Variants in DNAH14 observed in about 807,000 individuals in gnomAD.
DNAH14 encodes axonemal beta dynein heavy chain 14.
In DNAH14, 478 loss-of-function variants were observed where a neutral mutation model predicts 520.9. That is an observed-to-expected ratio of 0.92 (90% CI 0.85 to 0.99). The LOEUF (loss-of-function observed/expected upper bound fraction) is 0.99. Ranked by LOEUF, DNAH14 falls within the 50% of genes least tolerant of loss-of-function variation. The pLI, the probability that DNAH14 is intolerant of heterozygous loss-of-function variation, is 0.00. For synonymous variants in DNAH14, 1,581 were observed against 1,757.2 expected, an observed-to-expected ratio of 0.90 and a Z score of 2.51; for missense variants, 4,831 against 5,234.5, an observed-to-expected ratio of 0.92 and a Z score of 2.38.
intron 8 of DNAH14, among the ~76,000 whole-genome samples, chr1:224,999,091 T>C (rs1456220597): frequency 1.3e-5 from 2 of 152,176 alleles, no homozygotes; most frequent in Admixed American, 1.3e-4. Flanking sequence ...TTTCTTTTGA[T>C]TAGTGTTTAC....
chr1:225,106,575 G>A (rs561949947), intron 23 of DNAH14, among the ~76,000 whole-genome samples: 82 of 152,086 alleles, frequency 5.4e-4, no homozygotes, highest in African/African-American at 1.7e-3. Context: ...AGGCTTTGTC[G>A]TTTCTTTTTA....
At chr1:225,169,957 C>A (rs564668841) in intron 36 of DNAH14, among the ~76,000 whole-genome samples, 2 of 152,282 alleles carry the variant, frequency 1.3e-5, no homozygotes, top group African/African-American at 4.8e-5. Flanking sequence ...AGAGTGGGGG[C>A]TAATATTCAA....
At chr1:225,270,446 A>G (rs879912803) in intron 49 of DNAH14, among the ~76,000 whole-genome samples, 1 of 152,146 alleles carries the variant, frequency 6.6e-6, no homozygotes, top group Non-Finnish European at 1.5e-5. Flanking sequence ...CATTGTGCAC[A>G]TGTACCCTAG....
intron 55 of DNAH14, among the ~76,000 whole-genome samples, chr1:225,297,876 G>T (rs564618263): frequency 1.3e-5 from 2 of 152,250 alleles, no homozygotes; most frequent in Admixed American, 1.3e-4. Context: ...TGCCAGAGTT[G>T]CCCACTGGGT....
chr1:225,171,174 T>A (rs562158401), intron 36 of DNAH14, among the ~76,000 whole-genome samples: 26 of 152,082 alleles, frequency 1.7e-4, no homozygotes, highest in Middle Eastern at 3.4e-3. Context: ...GCAGGAAGGA[T>A]CTAAAATTGA....
At chr1:225,210,772 G>T (rs549671846) in intron 41 of DNAH14, among the ~76,000 whole-genome samples, 1 of 152,304 alleles carries the variant, frequency 6.6e-6, no homozygotes, top group Non-Finnish European at 1.5e-5. Context: ...CATCTGGTGG[G>T]TGCCCCTGTG....
rs2072810044 is a variant in DNAH14, at chr1:225,079,220, C to G, written c.2438C>G (p.Ser813Ter). 8.4e-6 allele frequency: 13 copies of G among 1,542,600 alleles called. No homozygotes were observed. Among genetic ancestry groups the G allele is most frequent in the Non-Finnish European group, 1.1e-5 (13 of 1,145,294 alleles). The stretch of plus-strand genomic sequence containing the variant: ...TGTTGATTTCAGGTTGTGGAATCAT[C>G]ATTGCAGCAGCTGGAATGTGATCCC... ...NKNLLEVVES[S>*]LQQLECDPTE... The change falls in exon 18 of 86, where the codon TCA (serine) becomes TGA (stop). Residue 813 changes from serine (S) to a stop codon, truncating the protein, a stop_gained. Transcript: ENST00000682510. LOFTEE classifies it high-confidence loss of function.
chr1:225,080,612 A>G lies in DNAH14; in HGVS notation c.3000A>G (p.Lys1000=), dbSNP rs756216366. Residue 1000 remains lysine, a synonymous_variant, in exon 19 of 86, where the codon AAA becomes AAG. Transcript: ENST00000682510. ...TTGAAGGTGACTTGACTTTGAGGAA[A>G]AAACTATGGGAAGCACAAGAGGAGT... The part of the protein sequence containing the change: ...SDIEGDLTLR[K]KLWEAQEEWK... 9.7e-6 allele frequency: 15 copies of G among 1,552,098 alleles called. No individual in the cohort carries two copies. In the African/African-American group the frequency reaches 1.9e-4, roughly 20 times the overall value.
chr1:225,242,593 C>T (rs999141201), intron 43 of DNAH14, among the ~76,000 whole-genome samples: 1 of 152,152 alleles, frequency 6.6e-6, no homozygotes, highest in Non-Finnish European at 1.5e-5. Flanking sequence ...ACAATGCCTT[C>T]TTCTGGAATA....
At chr1:225,008,063 A>C (rs947186567) in intron 10 of DNAH14, among the ~76,000 whole-genome samples, 1 of 151,416 alleles carries the variant, frequency 6.6e-6, no homozygotes, top group Non-Finnish European at 1.5e-5. Context: ...TCCTAATGCT[A>C]TCCCTCCCCT....
At chr1:225,305,501 G>C (rs1327749768) in intron 58 of DNAH14, among the ~76,000 whole-genome samples, 1 of 152,130 alleles carries the variant, frequency 6.6e-6, no homozygotes, top group East Asian at 1.9e-4. Context: ...TACCTGAGGA[G>C]GCACGGGAAG....
At chr1:225,142,952 A>T (rs12565737) in intron 28 of DNAH14, among the ~76,000 whole-genome samples, 30,909 of 151,856 alleles carry the variant, frequency 0.2, 6,146 homozygotes, top group African/African-American at 0.51. Context: ...TTAATTTTTT[A>T]AAAAAATTAA....
chr1:225,079,859 GA>G (rs2072906175), intron 18 of DNAH14, among the ~76,000 whole-genome samples: 7 of 151,646 alleles, frequency 4.6e-5, no homozygotes, highest in Non-Finnish European at 4.4e-5. Context: ...ATTTTTAGTA[GA>G]GACGAGGTTT....
chr1:225,206,242 A>G (rs1285471632), intron 40 of DNAH14, 63 bp downstream of exon 40: 2 of 1,333,780 alleles, frequency 1.5e-6, no homozygotes, highest in Non-Finnish European at 2.0e-6. Context: ...GTAACTATTT[A>G]TTATTTACAG....
intron 58 of DNAH14, among the ~76,000 whole-genome samples, chr1:225,307,219 T>C (rs1317731610): frequency 6.6e-6 from 1 of 152,182 alleles, no homozygotes; most frequent in East Asian, 1.9e-4. Context: ...CTAGTTATCA[T>C]GAATTTTATC....
chr1:225,390,707 G>A (rs1001715949), intron 83 of DNAH14, among the ~76,000 whole-genome samples: 2 of 152,068 alleles, frequency 1.3e-5, no homozygotes, highest in Admixed American at 6.5e-5. Flanking sequence ...AGAATAATTC[G>A]TGGAGCTTAC....
chr1:225,217,266 C>G (rs1039524583), intron 41 of DNAH14, among the ~76,000 whole-genome samples: 10 of 152,120 alleles, frequency 6.6e-5, no homozygotes, highest in Non-Finnish European at 1.5e-4. Context: ...CTTCTGGCAG[C>G]TTCATCTCAG....
chr1:225,168,563 A>G (rs2082274000), intron 36 of DNAH14, among the ~76,000 whole-genome samples: 1 of 152,202 alleles, frequency 6.6e-6, no homozygotes, highest in Admixed American at 6.5e-5. Flanking sequence ...CTAGCACAGC[A>G]GTCGGAGATC....
At chr1:225,119,405 A>T in intron 26 of DNAH14, 111 bp downstream of exon 26, 1 of 678,876 alleles carries the variant, frequency 1.5e-6, no homozygotes, top group Non-Finnish European at 2.2e-6. Context: ...TAAGTGAGAA[A>T]TATCCAGAAA....
Sources: gnomAD v4.1 joint callset for allele counts (sites outside exome capture counted in the v4.1 genomes callset) on GRCh38, gnomAD v4.1.1 for gene constraint, MANE v1.5 for transcripts, NCBI Gene and HGNC (gene_info 2026-07-23, HGNC 2026-07-21) for gene names.